Variants in PARD3 observed in about 807,000 individuals in gnomAD.
PARD3 encodes par-3 family cell polarity regulator.
In PARD3, 75 loss-of-function variants were observed where a neutral mutation model predicts 155.4. The ratio of observed to expected loss-of-function variants is 0.48; its 90% CI spans 0.40 to 0.58. PARD3 has a LOEUF of 0.58. PARD3 is among the 20% of genes least tolerant of loss of function. PARD3 has a pLI of 0.00. For synonymous variants in PARD3, 576 were observed against 610.5 expected (o/e 0.94, Z 0.83); for missense variants, 1,642 against 1,721.7 (o/e 0.95, Z 0.82).
At chr10:34,123,903 C>T (rs1200856343) in intron 23 of PARD3, among the ~76,000 whole-genome samples, 1 of 152,082 alleles carries the variant, frequency 6.6e-6, no homozygotes, top group Non-Finnish European at 1.5e-5. Flanking sequence ...CTAATTAGAA[C>T]TAGGTAATAC....
chr10:34,555,788 G>A (rs560906889), intron 2 of PARD3, among the ~76,000 whole-genome samples: 6 of 152,020 alleles, frequency 3.9e-5, no homozygotes, highest in African/African-American at 1.4e-4. Context: ...CCATCCAAAG[G>A]AGTGAGCCCT....
chr10:34,234,363 C>T (rs949701691), intron 22 of PARD3, among the ~76,000 whole-genome samples: 1 of 152,162 alleles, frequency 6.6e-6, no homozygotes, highest in African/African-American at 2.4e-5. Flanking sequence ...CTATGACATC[C>T]GGAATAAAAT....
chr10:34,496,619 C>T (rs773988), intron 3 of PARD3, among the ~76,000 whole-genome samples: 55,421 of 152,004 alleles, frequency 0.36, 10,209 homozygotes, highest in East Asian at 0.43. Context: ...ATGGATTCAG[C>T]GAAGTCAAGA....
chr10:34,131,532 T>G lies in PARD3; in HGVS notation c.3471A>C (p.Glu1157Asp). The change falls in exon 23 of 25, where the codon GAA becomes GAC. Residue 1157 changes from glutamate (E) to aspartate (D), a missense_variant. By Grantham distance (45) the Glu-to-Asp change is conservative. Coordinates refer to ENST00000374788, the MANE Select transcript of PARD3 (RefSeq NM_001184785.2). ...NHDRIQRLRQ[E>D]FQQAKQDEDV... ...CTTCATCTTGCTTTGCTTGCTGAAA[T>G]TCTTGCCTCAGACGCTGTATCCGAT... is the stretch of plus-strand genomic sequence containing the variant. The G allele has an allele frequency of 6.2e-7, 1 of 1,614,044 alleles. No homozygotes were observed. Among genetic ancestry groups the G allele is most frequent in the Non-Finnish European group, 8.5e-7 (1 of 1,179,896 alleles).
At position 34,450,440 on chromosome 10, in the gene PARD3, T is replaced by C. The variant is rs2076994835; in HGVS notation, c.591A>G (p.Glu197=). ...TATCCCGCGGGAGGCTTCTGTAGTT[T>C]TCATCTTTCTATTCAAAAAGAAACA... The part of the protein sequence containing the change: ...SPKTCDRKKD[E]NYRSLPRDTS... Residue 197 remains glutamate (E), a synonymous_variant, in exon 5 of 25, where the codon GAA becomes GAG. Transcript: ENST00000374788. 1.2e-6 allele frequency: 2 copies of C among 1,607,972 alleles called. No individual in the cohort carries two copies.
At chr10:34,661,464 T>C (rs1038223664) in intron 2 of PARD3, among the ~76,000 whole-genome samples, 1 of 152,174 alleles carries the variant, frequency 6.6e-6, no homozygotes, top group African/African-American at 2.4e-5. Flanking sequence ...AGAACATGAA[T>C]TGGCTAACCA....
At chr10:34,752,215 G>C (rs1836130425) in intron 1 of PARD3, among the ~76,000 whole-genome samples, 1 of 151,330 alleles carries the variant, frequency 6.6e-6, no homozygotes, top group Non-Finnish European at 1.5e-5. Flanking sequence ...AAGCTTACCA[G>C]GGAACAACTC....
At chr10:34,317,920 T>G (rs1958110588) in intron 19 of PARD3, among the ~76,000 whole-genome samples, 1 of 152,192 alleles carries the variant, frequency 6.6e-6, no homozygotes, top group African/African-American at 2.4e-5. Context: ...CCTCTGTAAC[T>G]CTTCTTTGCA....
At chr10:34,643,666 T>A (rs890049216) in intron 2 of PARD3, among the ~76,000 whole-genome samples, 1 of 152,180 alleles carries the variant, frequency 6.6e-6, no homozygotes. Context: ...ACACCTATAA[T>A]CAGTCTGAGA....
intron 2 of PARD3, among the ~76,000 whole-genome samples, chr10:34,692,525 C>G (rs2094085187): frequency 6.6e-6 from 1 of 152,164 alleles, no homozygotes; most frequent in East Asian, 1.9e-4. Context: ...GGTTGAATAT[C>G]CAGCATCTAT....
At chr10:34,714,405 A>T (rs1357100508) in intron 1 of PARD3, among the ~76,000 whole-genome samples, 2 of 152,186 alleles carry the variant, frequency 1.3e-5, no homozygotes, top group Non-Finnish European at 2.9e-5. Flanking sequence ...GGAGCTATGG[A>T]CAAACAGTTA....
At chr10:34,287,331 A>G (rs976630176) in intron 20 of PARD3, among the ~76,000 whole-genome samples, 4 of 152,178 alleles carry the variant, frequency 2.6e-5, no homozygotes, top group Non-Finnish European at 5.9e-5. Context: ...CTTTCAAATG[A>G]TACAATGTTG....
At chr10:34,578,061 TC>T (rs947070062) in intron 2 of PARD3, among the ~76,000 whole-genome samples, 6 of 151,554 alleles carry the variant, frequency 4.0e-5, no homozygotes, top group African/African-American at 1.5e-4. Flanking sequence ...TTTTTTTTTT[TC>T]TTTTTTCCTT....
At chr10:34,133,157 G>A (rs1253560813) in intron 22 of PARD3, among the ~76,000 whole-genome samples, 1 of 152,158 alleles carries the variant, frequency 6.6e-6, no homozygotes, top group Non-Finnish European at 1.5e-5. Context: ...ACCAAGGGGG[G>A]CACTGGGCTG....
intron 2 of PARD3, among the ~76,000 whole-genome samples, chr10:34,535,360 G>A (rs1488192834): frequency 1.3e-5 from 2 of 152,056 alleles, no homozygotes; most frequent in African/African-American, 4.8e-5. Context: ...AGACACAAAG[G>A]GAAACAGGGA....
At chr10:34,450,258 T>C in intron 5 of PARD3, 59 bp downstream of exon 5, 1 of 1,485,814 alleles carries the variant, frequency 6.7e-7, no homozygotes, top group Non-Finnish European at 9.1e-7. Flanking sequence ...AGAAACATCT[T>C]TGGGGTATGG....
Position 34,778,835 on chromosome 10 carries a change from T to C in PARD3, c.120+36041A>G, listed in dbSNP as rs1381823888. The stretch of plus-strand genomic sequence containing the variant: ...ACCTGGTATGATTAAATAAATCTCA[T>C]TTCACCTATCGTTTCCTTAACATGA... On this transcript the variant is annotated intron_variant, in intron 1 of 24. Transcript: ENST00000374788. Among the ~76,000 whole-genome samples, 3 of 152,340 alleles carry C rather than the reference T, an allele frequency of 2.0e-5. No homozygotes were observed. In the East Asian group the frequency reaches 5.8e-4, roughly 29 times the overall value.
chr10:34,677,472 T>G (rs948345593), intron 2 of PARD3, among the ~76,000 whole-genome samples: 1 of 148,508 alleles, frequency 6.7e-6, no homozygotes, highest in Admixed American at 6.7e-5. Flanking sequence ...AGATCTAGAC[T>G]CTGTCTCAAA....
chr10:34,339,600 C>G (rs1021637625), intron 16 of PARD3, among the ~76,000 whole-genome samples: 1 of 152,080 alleles, frequency 6.6e-6, no homozygotes, highest in African/African-American at 2.4e-5. Flanking sequence ...TCCTTTCCCC[C>G]AGAAACACAT....
Sources: allele counts gnomAD v4.1 joint callset (sites outside exome capture counted in the v4.1 genomes callset), GRCh38; gene constraint gnomAD v4.1.1; transcripts MANE v1.5; gene names NCBI Gene and HGNC (gene_info 2026-07-23, HGNC 2026-07-21).